MDFIC2: variants seen among roughly 807,000 people sequenced by gnomAD.
MDFIC2 encodes MyoD family inhibitor domain containing 2.
At chr3:70,262,309 A>C (rs1423393470) in intron 2 of MDFIC2, among the ~76,000 whole-genome samples, 8 of 152,228 alleles carry the variant, frequency 5.3e-5, no homozygotes, top group Non-Finnish European at 1.2e-4. Flanking sequence ...CAAGGAGCCA[A>C]CGCAAAATAG....
At chr3:70,257,605 G>C (rs753632740) in intron 2 of MDFIC2, among the ~76,000 whole-genome samples, 2 of 152,162 alleles carry the variant, frequency 1.3e-5, no homozygotes, top group Non-Finnish European at 2.9e-5. Flanking sequence ...ATTTAAGGAA[G>C]TATATGTGAG....
At chr3:70,287,041 C>T (rs1173491150) in intron 2 of MDFIC2, among the ~76,000 whole-genome samples, 2 of 146,674 alleles carry the variant, frequency 1.4e-5, no homozygotes, top group South Asian at 2.3e-4. Flanking sequence ...TAATTGAATA[C>T]CCTTTATTTC....
At position 70,275,370 on chromosome 3, in the gene MDFIC2, T is replaced by C. The variant is rs117521457; in HGVS notation, c.88+36516A>G. 9.2e-3 allele frequency among the ~76,000 whole-genome samples: 1,398 copies of C among 151,838 alleles called. 38 individuals carry two copies. The highest frequency in any genetic ancestry group is 0.083 in the East Asian group (427 of 5,140). On this transcript the variant is annotated intron_variant, in intron 2 of 3. Transcript: ENST00000567252. ...CAAAAAATAAAAAGAAAAAAATTAG[T>C]TGGGTGTGGTGGCATGTGCCTGTAG...
intron 2 of MDFIC2, among the ~76,000 whole-genome samples, chr3:70,246,899 T>A (rs1457601714): frequency 1.3e-5 from 2 of 152,066 alleles, no homozygotes; most frequent in Non-Finnish European, 2.9e-5. Context: ...ATAGAAATAA[T>A]ATTATATTTA....
Position 70,302,284 on chromosome 3 carries a change from G to C in MDFIC2, c.88+9602C>G, listed in dbSNP as rs564037625. ...TTTATTTTTTTTTACTAATGGTCTG[G>C]TGAACACCTAGTGTAGGTGCATTTT... is the stretch of plus-strand genomic sequence containing the variant. On this transcript the variant is annotated intron_variant, in intron 2 of 3. Coordinates refer to ENST00000567252, the MANE Select transcript of MDFIC2 (RefSeq NM_001364677.1). 5.3e-5 allele frequency among the ~76,000 whole-genome samples: 8 copies of C among 151,936 alleles called. No homozygotes were observed. In the South Asian group the frequency reaches 1.7e-3, roughly 32 times the overall value.
chr3:70,215,915 G>C (rs1701403164), intron 2 of MDFIC2, among the ~76,000 whole-genome samples: 1 of 152,066 alleles, frequency 6.6e-6, no homozygotes, highest in Admixed American at 6.6e-5. Flanking sequence ...TAGACTAACT[G>C]ATCCTAGTAA....
intron 2 of MDFIC2, among the ~76,000 whole-genome samples, chr3:70,281,730 T>G (rs1233994137): frequency 6.6e-6 from 1 of 152,150 alleles, no homozygotes; most frequent in Non-Finnish European, 1.5e-5. Context: ...CTTCTCGTCT[T>G]TGGAATTCCG....
At chr3:70,218,458 A>G (rs1261617391) in intron 2 of MDFIC2, among the ~76,000 whole-genome samples, 1 of 152,178 alleles carries the variant, frequency 6.6e-6, no homozygotes, top group Non-Finnish European at 1.5e-5. Flanking sequence ...GACTGAGGTC[A>G]GTACTCTACA....
intron 2 of MDFIC2, among the ~76,000 whole-genome samples, chr3:70,288,231 T>G (rs1702188852): frequency 7.5e-6 from 1 of 133,920 alleles, no homozygotes; most frequent in Non-Finnish European, 1.6e-5. Flanking sequence ...CTGCTTTGAA[T>G]GCATCCCAGA....
chr3:70,306,196 T>A (rs4546118), intron 2 of MDFIC2, among the ~76,000 whole-genome samples: 29,350 of 152,106 alleles, frequency 0.19, 2,950 homozygotes, highest in South Asian at 0.28. Flanking sequence ...CTCCGCCTCC[T>A]AGTTTCAAGT....
chr3:70,270,844 T>C (rs1701969175), intron 2 of MDFIC2, among the ~76,000 whole-genome samples: 2 of 151,850 alleles, frequency 1.3e-5, no homozygotes, highest in South Asian at 4.2e-4. Context: ...TTAGAACACA[T>C]GGACACAGGG....
intron 2 of MDFIC2, among the ~76,000 whole-genome samples, chr3:70,207,516 G>A (rs1701303930): frequency 6.6e-6 from 1 of 152,000 alleles, no homozygotes; most frequent in African/African-American, 2.4e-5. Context: ...AGGCTGAGAA[G>A]CCCCAAGCGT....
intron 2 of MDFIC2, among the ~76,000 whole-genome samples, chr3:70,282,458 A>G (rs1295377939): frequency 6.6e-6 from 1 of 152,190 alleles, no homozygotes; most frequent in East Asian, 1.9e-4. Flanking sequence ...TTAAAGTCAT[A>G]TCATGGCCTG....
At chr3:70,209,433 C>T (rs759878754) in intron 2 of MDFIC2, among the ~76,000 whole-genome samples, 39 of 151,972 alleles carry the variant, frequency 2.6e-4, no homozygotes, top group African/African-American at 8.7e-4. Context: ...TCTATGTTAC[C>T]GCTTATATAC....
intron 2 of MDFIC2, among the ~76,000 whole-genome samples, chr3:70,277,668 G>A (rs1468729691): frequency 1.3e-5 from 2 of 152,122 alleles, no homozygotes; most frequent in East Asian, 1.9e-4. Context: ...GTCGAGTATG[G>A]GGAGGATCTC....
At position 70,308,616 on chromosome 3, in the gene MDFIC2, A is replaced by G. The variant is rs142909679; in HGVS notation, c.88+3270T>C. Among the ~76,000 whole-genome samples, 479 of 152,314 alleles carry G rather than the reference A, an allele frequency of 3.1e-3. 2 individuals carry two copies. Among genetic ancestry groups the G allele is most frequent in the African/African-American group, 0.011 (451 of 41,576 alleles). On this transcript the variant is annotated intron_variant, in intron 2 of 3. Coordinates refer to ENST00000567252, the MANE Select transcript of MDFIC2 (RefSeq NM_001364677.1). The stretch of plus-strand genomic sequence containing the variant: ...CCTCTTTGCCTTCCTGGCAAAAGCA[A>G]GACGATTGAATGAGATGAATGAATA...
At chr3:70,243,977 A>G (rs1385784250) in intron 2 of MDFIC2, among the ~76,000 whole-genome samples, 3 of 152,096 alleles carry the variant, frequency 2.0e-5, no homozygotes, top group East Asian at 3.9e-4. Flanking sequence ...TCTGCTAATT[A>G]TCTCCTCACC....
intron 2 of MDFIC2, among the ~76,000 whole-genome samples, chr3:70,306,506 T>C (rs1043957085): frequency 3.3e-5 from 5 of 151,940 alleles, no homozygotes; most frequent in Admixed American, 6.5e-5. Context: ...AGAACTCTCA[T>C]CTTTCACACT....
chr3:70,248,027 G>A (rs1701724980), intron 2 of MDFIC2, among the ~76,000 whole-genome samples: 1 of 152,004 alleles, frequency 6.6e-6, no homozygotes, highest in Non-Finnish European at 1.5e-5. Context: ...CATCTTTGTA[G>A]TATTTGAAGG....
Sources: allele counts gnomAD v4.1 joint callset (sites outside exome capture counted in the v4.1 genomes callset), GRCh38; gene constraint gnomAD v4.1.1; transcripts MANE v1.5; gene names NCBI Gene and HGNC (gene_info 2026-07-23, HGNC 2026-07-21).